The following UGT2B7 variants were observed in gnomAD, a reference collection of about 807,000 sequenced individuals.
The protein encoded by UGT2B7 is UDP glucuronosyltransferase family 2 member B7.
Under a neutral mutation model 51.9 loss-of-function variants are expected in UGT2B7, and 51 were observed. The observed-to-expected ratio is 0.98, with a 90% CI of 0.78 to 1.24. The LOEUF is 1.24. Ranked by LOEUF, UGT2B7 falls within the 50% of genes most tolerant of loss-of-function variation. The pLI, the probability that UGT2B7 is intolerant of heterozygous loss-of-function variation, is 0.00. For synonymous variants in UGT2B7, 225 were observed against 211.6 expected, an observed-to-expected ratio of 1.06 and a Z score of -0.55; for missense variants, 727 against 628.4, an observed-to-expected ratio of 1.16 and a Z score of -1.68.
At chr4:69,064,056 GAA>G (rs1359464445) in intron 1 of UGT2B7, among the ~76,000 whole-genome samples, 5 of 97,560 alleles carry the variant, frequency 5.1e-5, no homozygotes, top group African/African-American at 2.2e-4. Flanking sequence ...AAGAAAGAAA[GAA>G]AGAAAGAAAG....
intron 1 of UGT2B7, among the ~76,000 whole-genome samples, chr4:69,059,479 C>A (rs1052335774): frequency 6.6e-6 from 1 of 152,218 alleles, no homozygotes; most frequent in African/African-American, 2.4e-5. Context: ...GATGTTAACC[C>A]GTACTGTACC....
intron 1 of UGT2B7, chr4:69,069,551 C>T (rs747224054): frequency 1.3e-5 from 2 of 152,018 alleles, no homozygotes. Context: ...TTTTATGTGG[C>T]ACTCATTTTT....
At chr4:69,098,876 T>G (rs1425861492) in intron 2 of UGT2B7, among the ~76,000 whole-genome samples, 188 bp downstream of exon 2, 2 of 151,906 alleles carry the variant, frequency 1.3e-5, no homozygotes, top group Non-Finnish European at 2.9e-5. Flanking sequence ...TTTATGAGTA[T>G]TACAAATAGA....
chr4:69,087,818 G>C lies in UGT2B7; in HGVS notation c.-158-1654G>C, dbSNP rs377317969. On this transcript the variant is annotated intron_variant, in intron 1 of 5. Transcript: ENST00000502942. ...TTTTTTGAGAAATTTGATGAAACTT[G>C]AATTGGGACATTGTTTAATATGGTA... Among the ~76,000 whole-genome samples the C allele has an allele frequency of 2.4e-4, 37 of 151,840 alleles. No individual in the cohort carries two copies. In the South Asian group the frequency reaches 5.2e-3, roughly 21 times the overall value.
At chr4:69,106,584 A>G (rs1370348842) in intron 3 of UGT2B7, among the ~76,000 whole-genome samples, 1 of 152,108 alleles carries the variant, frequency 6.6e-6, no homozygotes, top group African/African-American at 2.4e-5. Context: ...GTCTTTATAA[A>G]AGAACCATTT....
intron 1 of UGT2B7, among the ~76,000 whole-genome samples, chr4:69,074,719 A>G (rs1237966836): frequency 1.3e-5 from 2 of 151,962 alleles, no homozygotes; most frequent in East Asian, 3.9e-4. Flanking sequence ...GCACTCTGTA[A>G]ATTTTTGTTC....
intron 1 of UGT2B7, among the ~76,000 whole-genome samples, chr4:69,054,995 T>C (rs1346866451): frequency 6.7e-6 from 1 of 150,064 alleles, no homozygotes; most frequent in Non-Finnish European, 1.5e-5. Flanking sequence ...GTACAAAGTA[T>C]GTAATCCAGG....
intron 1 of UGT2B7, among the ~76,000 whole-genome samples, chr4:69,076,010 A>G (rs111654417): frequency 5.3e-5 from 8 of 150,530 alleles, no homozygotes; most frequent in African/African-American, 2.0e-4. Flanking sequence ...GCTCCCACTT[A>G]TGTGTGAGAA....
intron 5 of UGT2B7, among the ~76,000 whole-genome samples, chr4:69,111,620 C>T (rs1181969500): frequency 2.0e-4 from 30 of 152,058 alleles, no homozygotes; most frequent in Non-Finnish European, 1.5e-5. Flanking sequence ...GATGAATATC[C>T]TATTTTCCAT....
In UGT2B7 at chr4:69,112,677, T is replaced by G; in HGVS notation, c.1531T>G (p.Cys511Gly). Residue 511 changes from cysteine (C) to glycine (G), a missense_variant, in exon 6 of 6, where the codon TGT becomes GGT. Physicochemically the swap from Cys to Gly is radical, Grantham distance 159 (BLOSUM62 -3). Transcript: ENST00000305231. ...VATVIFIVTK[C>G]CLFCFWKFAR... ...AACTGTGATATTTATCGTCACAAAA[T>G]GTTGTCTGTTTTGTTTCTGGAAGTT... is the stretch of plus-strand genomic sequence containing the variant. 6.2e-7 allele frequency: 1 copy of G among 1,613,846 alleles called. No homozygotes were observed. Among genetic ancestry groups the G allele is most frequent in the Non-Finnish European group, 8.5e-7 (1 of 1,179,838 alleles).
At chr4:69,087,937 T>A (rs533039263) in intron 1 of UGT2B7, among the ~76,000 whole-genome samples, 2 of 152,148 alleles carry the variant, frequency 1.3e-5, no homozygotes, top group African/African-American at 2.4e-5. Flanking sequence ...ACTCTTCGGA[T>A]TAAATTTGAT....
At chr4:69,109,108 C>T (rs1369371320) in intron 5 of UGT2B7, among the ~76,000 whole-genome samples, 1 of 151,438 alleles carries the variant, frequency 6.6e-6, no homozygotes, top group Non-Finnish European at 1.5e-5. Flanking sequence ...CTTTTTATAG[C>T]AGTTTAATAT....
intron 2 of UGT2B7, among the ~76,000 whole-genome samples, chr4:69,091,232 T>C (rs550078768): frequency 1.3e-5 from 2 of 152,346 alleles, no homozygotes; most frequent in African/African-American, 4.8e-5. Context: ...GTCTTTATAT[T>C]ATAGCTATTC....
intron 1 of UGT2B7, among the ~76,000 whole-genome samples, chr4:69,076,019 A>G (rs1718696294): frequency 6.6e-6 from 1 of 152,028 alleles, no homozygotes; most frequent in African/African-American, 2.4e-5. Flanking sequence ...TATGTGTGAG[A>G]ACATGCGGTG....
Position 69,097,222 on chromosome 4 carries a change from GT to G in UGT2B7, c.706del (p.Tyr236IlefsTer5). On this transcript the variant is annotated frameshift_variant, in exon 1 of 6. Transcript: ENST00000305231. LOFTEE classifies it high-confidence loss of function. ...EIFDMKKWDQ[F>X]YSEVLGRPTT... ...TATTTGACATGAAGAAGTGGGATCAGTTTTATAGTGAAGTTCTAGGTAAGTA... is the reference window on the plus strand; with the variant it reads ...TATTTGACATGAAGAAGTGGGATCAGTTTATAGTGAAGTTCTAGGTAAGTA... The G allele has an allele frequency of 1.2e-6, 2 of 1,610,028 alleles. No individual in the cohort carries two copies. The highest frequency in any genetic ancestry group is 8.5e-7 in the Non-Finnish European group (1 of 1,178,698).
rs185147234 is a variant in UGT2B7 at position 69,054,242 on chromosome 4, G to A, written c.-159+2640G>A. ...AGAAAAGAAAAAAATGGCAGTTGGAGTTTTAACTCAGACTGTGGGGCACTG... is the reference window on the plus strand; with the variant it reads ...AGAAAAGAAAAAAATGGCAGTTGGAATTTTAACTCAGACTGTGGGGCACTG... On this transcript the variant is annotated intron_variant, in intron 1 of 5. Coordinates refer to the UGT2B7 transcript ENST00000502942. Among the ~76,000 whole-genome samples, 577 of 152,120 alleles carry A rather than the reference G, an allele frequency of 3.8e-3. 6 individuals carry two copies. Among genetic ancestry groups the A allele is most frequent in the African/African-American group, 0.013 (553 of 41,528 alleles).
At chr4:69,095,844 A>T (rs1032286751), upstream of UGT2B7, among the ~76,000 whole-genome samples, 1 of 152,216 alleles carries the variant, frequency 6.6e-6, no homozygotes, top group African/African-American at 2.4e-5. Flanking sequence ...CCAGTCACAA[A>T]ATACCACATA....
intron 1 of UGT2B7, among the ~76,000 whole-genome samples, chr4:69,052,628 T>C (rs200102310): frequency 9.4e-5 from 14 of 148,214 alleles, no homozygotes; most frequent in Admixed American, 7.4e-4. Flanking sequence ...AAGAGTGTTA[T>C]ATGGTAAATT....
At position 69,112,870 on chromosome 4, in the gene UGT2B7, A is replaced by G; in HGVS notation, c.*134A>G. ...AAAAAGAAAAAAAAATCTTTTCAAA[A>G]TTTACTTTGTCAAATAAAAATTTGT... On this transcript the variant is annotated 3_prime_UTR_variant, in exon 6 of 6. Coordinates refer to ENST00000305231, the MANE Select transcript of UGT2B7 (RefSeq NM_001074.4). The G allele has an allele frequency of 7.5e-7, 1 of 1,328,450 alleles. No individual in the cohort carries two copies. Among genetic ancestry groups the G allele is most frequent in the Non-Finnish European group, 9.9e-7 (1 of 1,011,218 alleles). 82.3% of individuals were successfully genotyped at this position (1,328,450 alleles called of 1,614,324 possible).
Sources: allele counts gnomAD v4.1 joint callset (sites outside exome capture counted in the v4.1 genomes callset), GRCh38; gene constraint gnomAD v4.1.1; transcripts MANE v1.5; gene names NCBI Gene and HGNC (gene_info 2026-07-23, HGNC 2026-07-21).